Variants in PHACTR3 observed in about 807,000 individuals in gnomAD.
PHACTR3 encodes protein phosphatase 1, regulatory subunit 123.
In PHACTR3, 16 loss-of-function variants were observed where a neutral mutation model predicts 66.8. The ratio of observed to expected loss-of-function variants is 0.24; its 90% CI spans 0.16 to 0.36. The LOEUF (loss-of-function observed/expected upper bound fraction) is 0.36. Among genes scored for constraint, PHACTR3 ranks in the 10% least tolerant of loss-of-function variants. The pLI, the probability that PHACTR3 is intolerant of heterozygous loss-of-function variation, is 1.00. For synonymous variants in PHACTR3, 323 were observed against 292.1 expected, an observed-to-expected ratio of 1.11 and a Z score of -1.08; for missense variants, 647 against 719.9, an observed-to-expected ratio of 0.90 and a Z score of 1.16.
chr20:59,631,215 C>T (rs553972229), intron 1 of PHACTR3, among the ~76,000 whole-genome samples: 13 of 152,194 alleles, frequency 8.5e-5, no homozygotes, highest in African/African-American at 2.9e-4. Flanking sequence ...AGGCAAGGTC[C>T]TTGGATAAAG....
At chr20:59,757,199 C>G (rs1336136651) in intron 4 of PHACTR3, among the ~76,000 whole-genome samples, 2 of 152,250 alleles carry the variant, frequency 1.3e-5, no homozygotes. Context: ...GGCAGGGCTG[C>G]TGCTCCCAGC....
Position 59,825,339 on chromosome 20 carries a change from G to A in PHACTR3, c.1329-11166G>A, listed in dbSNP as rs146829032. Among the ~76,000 whole-genome samples the A allele has an allele frequency of 5.3e-5, 8 of 152,282 alleles. No homozygotes were observed. The East Asian group carries it at 1.5e-3, about 29-fold the overall frequency. On this transcript the variant is annotated intron_variant, in intron 8 of 12. Transcript: ENST00000371015. ...GGCTCAAGTTTCTCAATGTAAACCT[G>A]GCGTTGCCTTGATGTCCCATTCATG...
chr20:59,621,073 T>C (rs2034216544), intron 1 of PHACTR3, among the ~76,000 whole-genome samples: 1 of 152,200 alleles, frequency 6.6e-6, no homozygotes, highest in Non-Finnish European at 1.5e-5. Context: ...AGTGGAGTGC[T>C]CCCATCATTG....
intron 1 of PHACTR3, among the ~76,000 whole-genome samples, chr20:59,594,927 G>A (rs1391394214): frequency 1.3e-5 from 2 of 152,150 alleles, no homozygotes; most frequent in Non-Finnish European, 2.9e-5. Flanking sequence ...TACCTTCAGT[G>A]TTATAAATTT....
chr20:59,761,442 AG>A (rs2146845359), intron 4 of PHACTR3, among the ~76,000 whole-genome samples: 1 of 152,262 alleles, frequency 6.6e-6, no homozygotes, highest in South Asian at 2.1e-4. Context: ...GTGGAGTACA[AG>A]TGACCATGGC....
chr20:59,789,609 A>G (rs895539185), intron 7 of PHACTR3, among the ~76,000 whole-genome samples: 1 of 152,256 alleles, frequency 6.6e-6, no homozygotes, highest in African/African-American at 2.4e-5. Flanking sequence ...AATGATCACA[A>G]TGAATGACCA....
At chr20:59,669,836 C>T (rs1408337905) in intron 1 of PHACTR3, among the ~76,000 whole-genome samples, 1 of 152,232 alleles carries the variant, frequency 6.6e-6, no homozygotes, top group Non-Finnish European at 1.5e-5. Flanking sequence ...TGATATTCCA[C>T]TGTCTGGATA....
At chr20:59,631,001 C>G (rs2034640669) in intron 1 of PHACTR3, among the ~76,000 whole-genome samples, 1 of 152,140 alleles carries the variant, frequency 6.6e-6, no homozygotes, top group East Asian at 1.9e-4. Context: ...AAGTGACCAC[C>G]ACCAGGGATG....
intron 1 of PHACTR3, among the ~76,000 whole-genome samples, chr20:59,578,054 C>A (rs1479115794): frequency 6.6e-6 from 1 of 152,236 alleles, no homozygotes; most frequent in African/African-American, 2.4e-5. Flanking sequence ...GGGCTCTGTG[C>A]TTGATCGCCC....
chr20:59,636,573 C>T (rs2034908430), intron 1 of PHACTR3, among the ~76,000 whole-genome samples: 1 of 152,152 alleles, frequency 6.6e-6, no homozygotes, highest in African/African-American at 2.4e-5. Flanking sequence ...TGGATCGGGG[C>T]TCTGCTTACT....
intron 7 of PHACTR3, among the ~76,000 whole-genome samples, chr20:59,790,993 A>G (rs536405415): frequency 6.6e-6 from 1 of 152,258 alleles, no homozygotes; most frequent in South Asian, 2.1e-4. Flanking sequence ...TATCTCCATG[A>G]ACTTTGGTGT....
chr20:59,727,096 C>G (rs1432793340), intron 1 of PHACTR3, among the ~76,000 whole-genome samples: 2 of 152,168 alleles, frequency 1.3e-5, no homozygotes, highest in Non-Finnish European at 2.9e-5. Context: ...CTCCCCTCCT[C>G]CAAGCCCCTG....
At chr20:59,718,457 C>T (rs751302220) in intron 1 of PHACTR3, among the ~76,000 whole-genome samples, 4 of 152,124 alleles carry the variant, frequency 2.6e-5, no homozygotes, top group Non-Finnish European at 4.4e-5. Flanking sequence ...AGTGGTTTCA[C>T]CCACCTGGAC....
chr20:59,796,640 G>A (rs1196114809), intron 7 of PHACTR3, among the ~76,000 whole-genome samples: 1 of 152,122 alleles, frequency 6.6e-6, no homozygotes, highest in Non-Finnish European at 1.5e-5. Context: ...TTCTTGGTTA[G>A]TAGAGATTTT....
At chr20:59,589,401 C>T (rs533554328) in intron 1 of PHACTR3, among the ~76,000 whole-genome samples, 16 of 152,244 alleles carry the variant, frequency 1.1e-4, no homozygotes, top group African/African-American at 3.1e-4. Context: ...CACGGACGGC[C>T]GTTACTATTT....
intron 1 of PHACTR3, among the ~76,000 whole-genome samples, chr20:59,683,902 G>A (rs1477153869): frequency 6.6e-6 from 1 of 152,206 alleles, no homozygotes; most frequent in Non-Finnish European, 1.5e-5. Flanking sequence ...GTAGAAGAAG[G>A]AAGCTTGGGG....
intron 1 of PHACTR3, among the ~76,000 whole-genome samples, chr20:59,618,371 G>A (rs1262704593): frequency 6.6e-6 from 1 of 152,148 alleles, no homozygotes; most frequent in Non-Finnish European, 1.5e-5. Context: ...AAGAGACAGT[G>A]TGATCGGGCA....
intron 1 of PHACTR3, among the ~76,000 whole-genome samples, chr20:59,648,293 G>A (rs890438092): frequency 3.3e-5 from 5 of 151,208 alleles, no homozygotes; most frequent in African/African-American, 7.3e-5. Context: ...CCATTTTGAG[G>A]AAGGAGGTGA....
intron 1 of PHACTR3, among the ~76,000 whole-genome samples, chr20:59,629,687 G>A (rs1011430822): frequency 1.3e-5 from 2 of 152,244 alleles, no homozygotes; most frequent in African/African-American, 4.8e-5. Context: ...AGACAATGGA[G>A]CGGAATAAAC....
Sources: gnomAD v4.1 joint callset for allele counts (sites outside exome capture counted in the v4.1 genomes callset) on GRCh38, gnomAD v4.1.1 for gene constraint, MANE v1.5 for transcripts, NCBI Gene and HGNC (gene_info 2026-07-23, HGNC 2026-07-21) for gene names.